SPATA6L: variants seen among roughly 807,000 people sequenced by gnomAD.
SPATA6L encodes the protein spermatogenesis associated 6-like protein.
A neutral mutation model predicts 49.2 loss-of-function variants in SPATA6L; 68 were observed. That is an observed-to-expected ratio of 1.38 (90% CI 1.14 to 1.69). SPATA6L has a LOEUF of 1.69. SPATA6L is among the 40% of genes most tolerant of loss of function. SPATA6L has a pLI of 0.00. For synonymous variants in SPATA6L, 198 were observed against 165.7 expected, an observed-to-expected ratio of 1.19 and a Z score of -1.50; for missense variants, 668 against 464.3, an observed-to-expected ratio of 1.44 and a Z score of -4.03.
chr9:4,628,253 T>C (rs1016810920), intron 5 of SPATA6L: 5 of 181,220 alleles, frequency 2.8e-5, no homozygotes, highest in Admixed American at 5.4e-5. Flanking sequence ...ACTAAAAGAA[T>C]ATAATTGGAT....
intron 2 of SPATA6L, among the ~76,000 whole-genome samples, chr9:4,659,551 A>G (rs6476890): frequency 0.61 from 92,140 of 151,658 alleles, 29,364 homozygotes; most frequent in African/African-American, 0.81. Flanking sequence ...ACGGAAGAAG[A>G]TTCCATGCTC....
intron 9 of SPATA6L, among the ~76,000 whole-genome samples, chr9:4,608,988 C>A (rs1826005289): frequency 6.6e-6 from 1 of 151,788 alleles, no homozygotes; most frequent in African/African-American, 2.4e-5. Flanking sequence ...CACAGAAATA[C>A]AAACTACCAT....
chr9:4,602,597 T>G (rs1432676638), intron 11 of SPATA6L, among the ~76,000 whole-genome samples: 2 of 152,340 alleles, frequency 1.3e-5, no homozygotes, highest in Non-Finnish European at 2.9e-5. Flanking sequence ...ATAATTATTC[T>G]GATCCTGCTG....
downstream of SPATA6L, among the ~76,000 whole-genome samples, chr9:4,597,642 A>G (rs1177478567): frequency 6.6e-6 from 1 of 152,190 alleles, no homozygotes; most frequent in Non-Finnish European, 1.5e-5. Context: ...CCCTAGATTC[A>G]GTGTGGAGGA....
At position 4,631,057 on chromosome 9, in the gene SPATA6L, T is replaced by C. The variant is rs559201255; in HGVS notation, c.352-1889A>G. Among the ~76,000 whole-genome samples the C allele has an allele frequency of 5.9e-5, 9 of 152,348 alleles. 1 individual carries two copies. The South Asian group carries it at 1.0e-3, about 18-fold the overall frequency. ...GTGAAGGAAGGAAGTCCCCTGCTGGTAAGGAATCCACACTCTGTAACACAC... is the reference window on the plus strand; with the variant it reads ...GTGAAGGAAGGAAGTCCCCTGCTGGCAAGGAATCCACACTCTGTAACACAC... On this transcript the variant is annotated intron_variant, in intron 4 of 11. Coordinates refer to ENST00000682582, the MANE Select transcript of SPATA6L (RefSeq NM_001353486.2).
At chr9:4,646,491 A>G (rs776888569) in intron 3 of SPATA6L, 2 of 1,519,262 alleles carry the variant, frequency 1.3e-6, no homozygotes, top group South Asian at 2.6e-5. Flanking sequence ...CATTACCTGG[A>G]GGAACTAGCT....
chr9:4,654,095 C>T (rs1303501411), intron 3 of SPATA6L, among the ~76,000 whole-genome samples: 4 of 152,234 alleles, frequency 2.6e-5, no homozygotes, highest in Admixed American at 6.5e-5. Flanking sequence ...AAAACAATGA[C>T]GAGATACCAC....
At chr9:4,622,987 A>G (rs546000287) in intron 6 of SPATA6L, among the ~76,000 whole-genome samples, 136 of 151,984 alleles carry the variant, frequency 8.9e-4, no homozygotes, top group Middle Eastern at 3.4e-3. Flanking sequence ...AAAAAAGAAT[A>G]AGGGTAGCTA....
intron 8 of SPATA6L, among the ~76,000 whole-genome samples, chr9:4,618,522 G>T (rs1370243378): frequency 6.6e-6 from 1 of 152,078 alleles, no homozygotes; most frequent in African/African-American, 2.4e-5. Flanking sequence ...CCTTCACTTT[G>T]ACAAACCAAT....
chr9:4,646,559 T>A (rs1473253293), intron 3 of SPATA6L: 2 of 1,411,254 alleles, frequency 1.4e-6, no homozygotes, highest in Non-Finnish European at 1.9e-6. Flanking sequence ...TTTTAATACT[T>A]CCAAAAATTG....
At chr9:4,626,687 T>C (rs1172638377) in intron 5 of SPATA6L, 2 of 729,782 alleles carry the variant, frequency 2.7e-6, no homozygotes, top group Non-Finnish European at 3.9e-6. Context: ...ACAAGTTTGG[T>C]GTGGTTTCCT....
intron 9 of SPATA6L, among the ~76,000 whole-genome samples, chr9:4,615,864 C>A (rs544925862): frequency 6.6e-6 from 1 of 152,206 alleles, no homozygotes; most frequent in Admixed American, 6.5e-5. Flanking sequence ...GTTATAGATA[C>A]CAGGCACAGA....
In SPATA6L at chr9:4,622,443, G is replaced by T. The variant is rs1168273247; in HGVS notation, c.737C>A (p.Ser246Tyr). Reference protein sequence around the residue: ...EHHLRRSRRKSKFSDFPFPTR... With the variant: ...EHHLRRSRRKYKFSDFPFPTR... ...TGGAAACGGAAAGTCTGAAAACTTA[G>T]ATTTTCTTCTAGACCTCCTCAAATG... The change falls in exon 7 of 12, where the codon TCT becomes TAT. Residue 246 changes from serine (S) to tyrosine (Y), a missense_variant. Ser to Tyr is a moderately radical substitution (Grantham distance 144). Coordinates refer to ENST00000682582, the MANE Select transcript of SPATA6L (RefSeq NM_001353486.2). 13 of 1,613,876 alleles carry T rather than the reference G, an allele frequency of 8.1e-6. No homozygotes were observed. Among genetic ancestry groups the T allele is most frequent in the Non-Finnish European group, 1.1e-5 (13 of 1,179,866 alleles).
rs371401249 is a variant in SPATA6L at position 4,634,824 on chromosome 9, C to A, written c.351+451G>T. On this transcript the variant is annotated intron_variant, in intron 4 of 11. Coordinates refer to ENST00000682582, the MANE Select transcript of SPATA6L (RefSeq NM_001353486.2). The stretch of plus-strand genomic sequence containing the variant: ...ATCCTTCAAGATCCTTCAGTAATAT[C>A]AATTTGCGAGCCTCTGTCAGTTTCC... Among the ~76,000 whole-genome samples the A allele has an allele frequency of 2.5e-4, 38 of 152,276 alleles. No individual in the cohort carries two copies. In the East Asian group the frequency reaches 6.9e-3, roughly 28 times the overall value.
At chr9:4,659,828 G>C (rs972763929) in intron 2 of SPATA6L, among the ~76,000 whole-genome samples, 3 of 152,144 alleles carry the variant, frequency 2.0e-5, no homozygotes, top group Non-Finnish European at 4.4e-5. Context: ...TACCAAAACA[G>C]AGATACAGAC....
chr9:4,615,087 C>T (rs1335777254), intron 9 of SPATA6L, among the ~76,000 whole-genome samples: 1 of 152,158 alleles, frequency 6.6e-6, no homozygotes, highest in Non-Finnish European at 1.5e-5. Flanking sequence ...TCCCACCTGC[C>T]ATCACTCACC....
intron 5 of SPATA6L, chr9:4,628,447 T>G (rs1263293811): frequency 6.6e-6 from 1 of 152,088 alleles, no homozygotes; most frequent in Non-Finnish European, 1.5e-5. Flanking sequence ...TTTATTTATT[T>G]ATCATTATTT....
At chr9:4,620,366 G>T (rs1204281821) in intron 7 of SPATA6L, among the ~76,000 whole-genome samples, 1 of 152,102 alleles carries the variant, frequency 6.6e-6, no homozygotes, top group Non-Finnish European at 1.5e-5. Flanking sequence ...TCACACGGGG[G>T]CCTGCCATCA....
At chr9:4,634,027 T>C (rs1012101472) in intron 4 of SPATA6L, among the ~76,000 whole-genome samples, 5 of 152,236 alleles carry the variant, frequency 3.3e-5, no homozygotes, top group African/African-American at 1.2e-4. Context: ...TACAACCTCC[T>C]ATAGGTTATT....
Sources: allele counts gnomAD v4.1 joint callset (sites outside exome capture counted in the v4.1 genomes callset), GRCh38; gene constraint gnomAD v4.1.1; transcripts MANE v1.5; gene names NCBI Gene and HGNC (gene_info 2026-07-23, HGNC 2026-07-21).